The following AMBRA1 variants were observed in gnomAD, a reference collection of about 807,000 sequenced individuals.
The protein encoded by AMBRA1 is activating molecule in BECN1-regulated autophagy protein 1.
Under a neutral mutation model 125.4 loss-of-function variants are expected in AMBRA1, and 47 were observed. That is an observed-to-expected ratio of 0.37 (90% CI 0.30 to 0.48). AMBRA1 has a LOEUF of 0.48. Ranked by LOEUF, AMBRA1 falls within the 20% of genes least tolerant of loss-of-function variation. AMBRA1 has a pLI of 0.99. For missense variants in AMBRA1, 1,331 were observed against 1,693.4 expected, an observed-to-expected ratio of 0.79 and a Z score of 3.76; for synonymous variants, 626 against 655.5, an observed-to-expected ratio of 0.95 and a Z score of 0.69.
In AMBRA1 at chr11:46,443,589, A is replaced by G; in HGVS notation, c.2531T>C (p.Ile844Thr). Residue 844 changes from isoleucine (I) to threonine (T), a missense_variant, in exon 12 of 18, where the codon ATC (isoleucine) becomes ACC (threonine). Physicochemically the swap from Ile to Thr is moderately conservative, Grantham distance 89. Coordinates refer to ENST00000683756, the MANE Select transcript of AMBRA1 (RefSeq NM_001387011.1). Reference sequence around the variant, plus strand: ...GGCCACAGCAGACTGTCCATCACCGATCACTGCCCCTTATGAGGAAGAAGT... The same window carrying G: ...GGCCACAGCAGACTGTCCATCACCGGTCACTGCCCCTTATGAGGAAGAAGT... Reference protein sequence around the residue: ...SVNRVLAGAVIGDGQSAVASN... With the variant: ...SVNRVLAGAVTGDGQSAVASN... The G allele has an allele frequency of 6.2e-7, 1 of 1,613,824 alleles. No homozygotes were observed. The highest frequency in any genetic ancestry group is 8.5e-7 in the Non-Finnish European group (1 of 1,179,754).
intron 7 of AMBRA1, among the ~76,000 whole-genome samples, chr11:46,533,448 C>T (rs1008632936): frequency 4.6e-5 from 7 of 152,164 alleles, no homozygotes; most frequent in Admixed American, 1.3e-4. Context: ...CCTCACAGTT[C>T]GATAACACGC....
At chr11:46,489,348 G>A (rs1950384432) in intron 11 of AMBRA1, among the ~76,000 whole-genome samples, 1 of 152,054 alleles carries the variant, frequency 6.6e-6, no homozygotes, top group African/African-American at 2.4e-5. Flanking sequence ...GTTTCACCAC[G>A]TTAGCCAGGA....
intron 12 of AMBRA1, among the ~76,000 whole-genome samples, chr11:46,441,466 G>A (rs939313665): frequency 2.6e-5 from 4 of 152,094 alleles, no homozygotes; most frequent in Non-Finnish European, 5.9e-5. Flanking sequence ...AGTACACCGA[G>A]ATCATGCGAC....
At chr11:46,541,799 AT>A in intron 7 of AMBRA1, 145 bp downstream of exon 7, 1 of 1,125,242 alleles carries the variant, frequency 8.9e-7, no homozygotes, top group Non-Finnish European at 1.3e-6. Context: ...CCAGAGCAAG[AT>A]TTTCCAAGAA....
chr11:46,568,472 C>CA (rs968659647), intron 1 of AMBRA1, among the ~76,000 whole-genome samples: 2 of 150,074 alleles, frequency 1.3e-5, no homozygotes, highest in South Asian at 2.1e-4. Context: ...AAACAAAAAA[C>CA]AAAAAACAAA....
chr11:46,432,097 G>A (rs559171064), intron 14 of AMBRA1, among the ~76,000 whole-genome samples: 16 of 151,994 alleles, frequency 1.1e-4, no homozygotes, highest in Admixed American at 2.0e-4. Flanking sequence ...TAAGTGTCAG[G>A]TTCCGCATGA....
At chr11:46,548,138 T>A in intron 2 of AMBRA1, 108 bp downstream of exon 2, 1 of 1,488,370 alleles carries the variant, frequency 6.7e-7, no homozygotes. Context: ...ATGTCAACTC[T>A]CCCACACAAG....
At chr11:46,548,739 T>C (rs1319133646) in intron 1 of AMBRA1, among the ~76,000 whole-genome samples, 1 of 152,206 alleles carries the variant, frequency 6.6e-6, no homozygotes, top group Non-Finnish European at 1.5e-5. Context: ...ACGCCTGTAA[T>C]CCCCGAACTT....
chr11:46,426,698 A>G (rs1198614692), intron 14 of AMBRA1, among the ~76,000 whole-genome samples: 2 of 152,178 alleles, frequency 1.3e-5, no homozygotes, highest in Admixed American at 6.5e-5. Context: ...TGAAGAAAAG[A>G]ACTTTTTGAG....
chr11:46,428,803 T>A (rs1014053796), intron 14 of AMBRA1: 21 of 1,611,054 alleles, frequency 1.3e-5, no homozygotes, highest in Non-Finnish European at 1.8e-5. Flanking sequence ...CTCTTGTGAG[T>A]CTCGCAGGTC....
intron 10 of AMBRA1, 63 bp downstream of exon 10, chr11:46,494,061 G>A (rs1950551110): frequency 6.8e-7 from 1 of 1,468,576 alleles, no homozygotes; most frequent in African/African-American, 1.4e-5. Flanking sequence ...CAGAAAGTAG[G>A]TTTAAAACTA....
rs749222350 is a variant in AMBRA1, at chr11:46,410,320, C to T, written c.3165G>A (p.Thr1055=). The change falls in exon 16 of 18, where the codon ACG becomes ACA. Residue 1055 remains threonine, a synonymous_variant. Coordinates refer to ENST00000683756, the MANE Select transcript of AMBRA1 (RefSeq NM_001387011.1). ...VEYYWDQLNE[T]VFTVHSNSRS... is the part of the protein sequence containing the mutation. ...TGCTGTTGGAATGGACAGTGAAGACCGTCTCGTTCAGCTGGTCCCAGTAGT... is the reference window on the plus strand; with the variant it reads ...TGCTGTTGGAATGGACAGTGAAGACTGTCTCGTTCAGCTGGTCCCAGTAGT... 9 of 1,613,804 alleles carry T rather than the reference C, an allele frequency of 5.6e-6. No individual in the cohort carries two copies. Among genetic ancestry groups the T allele is most frequent in the South Asian group, 4.4e-5 (4 of 91,074 alleles).
intron 7 of AMBRA1, among the ~76,000 whole-genome samples, chr11:46,539,593 T>C (rs1218394138): frequency 2.0e-5 from 3 of 152,100 alleles, no homozygotes; most frequent in Non-Finnish European, 4.4e-5. Flanking sequence ...GAAAATGCCA[T>C]GAAGGGCAGC....
chr11:46,479,865 T>C (rs1873129), intron 11 of AMBRA1, among the ~76,000 whole-genome samples: 1,832 of 152,164 alleles, frequency 0.012, 44 homozygotes, highest in African/African-American at 0.042. Flanking sequence ...AGCAGAAACT[T>C]AGTGGCTTAA....
intron 17 of AMBRA1, among the ~76,000 whole-genome samples, chr11:46,401,260 A>AC (rs557000852): frequency 2.0e-5 from 3 of 151,628 alleles, no homozygotes; most frequent in Non-Finnish European, 2.9e-5. Flanking sequence ...GCTCTTTTCG[A>AC]GACAGAGTCT....
intron 12 of AMBRA1, among the ~76,000 whole-genome samples, chr11:46,441,299 A>AG (rs1300151955): frequency 6.6e-6 from 1 of 152,216 alleles, no homozygotes; most frequent in Non-Finnish European, 1.5e-5. Flanking sequence ...GGATCACCTG[A>AG]GGTCAGGAGT....
intron 14 of AMBRA1, among the ~76,000 whole-genome samples, chr11:46,424,764 C>A (rs999221279): frequency 1.3e-5 from 2 of 152,052 alleles, no homozygotes; most frequent in African/African-American, 4.8e-5. Flanking sequence ...TGCTTGAGCC[C>A]AGTTATTAAA....
intron 11 of AMBRA1, among the ~76,000 whole-genome samples, chr11:46,471,515 T>A (rs1590891696): frequency 6.6e-6 from 1 of 150,656 alleles, no homozygotes. Context: ...GAGATGGAGG[T>A]TGCAGTGAGC....
intron 1 of AMBRA1, among the ~76,000 whole-genome samples, chr11:46,592,668 G>T (rs1326505203): frequency 6.6e-6 from 1 of 151,962 alleles, no homozygotes; most frequent in Non-Finnish European, 1.5e-5. Flanking sequence ...TGAGGCAGGG[G>T]AATCGCTTGA....
Sources: gnomAD v4.1 joint callset for allele counts (sites outside exome capture counted in the v4.1 genomes callset) on GRCh38, gnomAD v4.1.1 for gene constraint, MANE v1.5 for transcripts, NCBI Gene and HGNC (gene_info 2026-07-23, HGNC 2026-07-21) for gene names.